ULK4: variants seen among roughly 807,000 people sequenced by gnomAD.
ULK4 encodes the protein unc-51 like kinase 4, also known as inactive serine/threonine-protein kinase ULK4.
ULK4 carries 133 observed loss-of-function variants against 160.6 expected under a neutral mutation model. The observed-to-expected ratio is 0.83, with a 90% confidence interval of 0.72 to 0.96. The LOEUF is 0.96. Ranked by LOEUF, ULK4 falls within the 40% of genes least tolerant of loss-of-function variation. The probability of loss-of-function intolerance (pLI) is 0.00; values close to 1 mark genes in which losing one functional copy is unlikely to be tolerated. For synonymous variants in ULK4, 534 were observed against 539.8 expected (o/e 0.99, Z 0.15); for missense variants, 1,580 against 1,499.5 (o/e 1.05, Z -0.89).
intron 17 of ULK4, among the ~76,000 whole-genome samples, chr3:41,841,286 G>A (rs1454695535): frequency 2.2e-5 from 3 of 138,710 alleles, no homozygotes; most frequent in Non-Finnish European, 3.2e-5. Flanking sequence ...GCCCCGTCTG[G>A]GAAGTGGGCG....
chr3:41,431,981 C>T (rs571804377), intron 34 of ULK4, among the ~76,000 whole-genome samples: 10 of 151,904 alleles, frequency 6.6e-5, no homozygotes, highest in Middle Eastern at 3.4e-3. Context: ...TTAGTAGAGA[C>T]GCGGTTTCAC....
At chr3:41,434,687 G>A (rs9861215) in intron 34 of ULK4, among the ~76,000 whole-genome samples, 37,284 of 152,050 alleles carry the variant, frequency 0.25, 4,833 homozygotes, top group African/African-American at 0.31. Flanking sequence ...TCAGAAGGGG[G>A]CAAATCCGCC....
At chr3:41,817,672 T>C (rs2041016050) in intron 19 of ULK4, among the ~76,000 whole-genome samples, 1 of 152,120 alleles carries the variant, frequency 6.6e-6, no homozygotes, top group Non-Finnish European at 1.5e-5. Context: ...TACTGGATAC[T>C]ATGCTCACTA....
chr3:41,389,810 C>T (rs1318029565), intron 35 of ULK4, among the ~76,000 whole-genome samples: 1 of 152,156 alleles, frequency 6.6e-6, no homozygotes, highest in African/African-American at 2.4e-5. Flanking sequence ...CGATGTTCAT[C>T]AGGGATACTG....
intron 17 of ULK4, among the ~76,000 whole-genome samples, chr3:41,879,024 G>A (rs1243756818): frequency 3.9e-5 from 6 of 152,084 alleles, no homozygotes; most frequent in Admixed American, 3.9e-4. Context: ...AAAGCTTCTG[G>A]TATTCCAATT....
At chr3:41,511,718 A>G (rs565992180) in intron 32 of ULK4, among the ~76,000 whole-genome samples, 21 of 152,300 alleles carry the variant, frequency 1.4e-4, no homozygotes, top group African/African-American at 5.1e-4. Flanking sequence ...ACATTCAGAG[A>G]AGAACTGGTA....
intron 32 of ULK4, among the ~76,000 whole-genome samples, chr3:41,496,089 A>G (rs1048864146): frequency 6.6e-6 from 1 of 152,156 alleles, no homozygotes; most frequent in Non-Finnish European, 1.5e-5. Flanking sequence ...TTGTAAACAT[A>G]TTAAATAAGA....
chr3:41,801,915 A>G (rs774975630), intron 19 of ULK4, among the ~76,000 whole-genome samples: 34 of 152,062 alleles, frequency 2.2e-4, no homozygotes, highest in Non-Finnish European at 4.1e-4. Context: ...GTAAAAAGGC[A>G]TATTCCACAG....
chr3:41,869,637 G>C (rs1697020807), intron 17 of ULK4, among the ~76,000 whole-genome samples: 1 of 151,912 alleles, frequency 6.6e-6, no homozygotes, highest in South Asian at 2.1e-4. Flanking sequence ...TAAAATATAG[G>C]GATACAATAA....
intron 32 of ULK4, among the ~76,000 whole-genome samples, chr3:41,554,915 G>A (rs1389298370): frequency 3.9e-5 from 6 of 152,036 alleles, no homozygotes; most frequent in Middle Eastern, 3.4e-3. Flanking sequence ...TCAAAGCAAC[G>A]CTAGACTCAG....
intron 35 of ULK4, among the ~76,000 whole-genome samples, chr3:41,291,375 A>AAAGG (rs142818723): frequency 5.6e-5 from 8 of 142,438 alleles, no homozygotes; most frequent in Admixed American, 4.9e-4. Flanking sequence ...AGTAAAGAAG[A>AAAGG]AAGGAAGGAA....
chr3:41,400,911 A>G (rs990975946), intron 34 of ULK4, among the ~76,000 whole-genome samples: 2 of 152,318 alleles, frequency 1.3e-5, no homozygotes, highest in East Asian at 1.9e-4. Context: ...TGTAGTTTAA[A>G]TTCACATTTC....
chr3:41,883,324 C>T lies in ULK4; in HGVS notation c.1656+550G>A, dbSNP rs75553210. On this transcript the variant is annotated intron_variant, in intron 17 of 36. Transcript: ENST00000301831. ...ACTCTACAAAATCCCCTCTCCTTAC[C>T]CCTTTTTTACTTCCTTCAGGAGCTC... Among the ~76,000 whole-genome samples the T allele has an allele frequency of 5.7e-3, 863 of 152,320 alleles. 9 individuals carry two copies. The highest frequency in any genetic ancestry group is 0.02 in the African/African-American group (827 of 41,572).
chr3:41,603,771 T>C (rs28499535), intron 31 of ULK4, among the ~76,000 whole-genome samples: 6,752 of 152,220 alleles, frequency 0.044, 334 homozygotes, highest in African/African-American at 0.12. Context: ...CTGCAACTTC[T>C]TGTGAAAGTA....
intron 35 of ULK4, among the ~76,000 whole-genome samples, chr3:41,312,408 A>G (rs561315742): frequency 6.6e-6 from 1 of 152,360 alleles, no homozygotes; most frequent in Admixed American, 6.5e-5. Flanking sequence ...AACAACAAGC[A>G]ACCTACAGGT....
chr3:41,824,163 T>TTTGAAAA (rs555935496), intron 18 of ULK4, among the ~76,000 whole-genome samples: 1 of 117,812 alleles, frequency 8.5e-6, no homozygotes, highest in African/African-American at 3.5e-5. Flanking sequence ...ACTCTATCTT[T>TTTGAAAA]AAAAAAAAAA....
chr3:41,845,637 T>C (rs11918511), intron 17 of ULK4, among the ~76,000 whole-genome samples: 11,243 of 152,220 alleles, frequency 0.074, 1,322 homozygotes, highest in African/African-American at 0.25. Context: ...GTTGTAAAAT[T>C]GTATTATACT....
chr3:41,470,018 GAAAAAAAAAAAAAA>G (rs71094650), intron 32 of ULK4, among the ~76,000 whole-genome samples: 720 of 45,996 alleles, frequency 0.016, 19 homozygotes, highest in South Asian at 0.086. Context: ...AAACAGAACA[GAAAAAAAAAAAAAA>G]AAAAAAAAAA....
chr3:41,421,215 T>C (rs2082657905), intron 34 of ULK4, among the ~76,000 whole-genome samples: 1 of 152,318 alleles, frequency 6.6e-6, no homozygotes, highest in South Asian at 2.1e-4. Flanking sequence ...AACAAATTTT[T>C]TGTTGTAATT....
Sources: gnomAD v4.1 joint callset for allele counts (sites outside exome capture counted in the v4.1 genomes callset) on GRCh38, gnomAD v4.1.1 for gene constraint, MANE v1.5 for transcripts, NCBI Gene and HGNC (gene_info 2026-07-23, HGNC 2026-07-21) for gene names.